SCFD1: variants seen among roughly 807,000 people sequenced by gnomAD.
The protein encoded by SCFD1 is sec1 family domain containing 1, also known as sec1 family domain-containing protein 1.
A neutral mutation model predicts 103.2 loss-of-function variants in SCFD1; 37 were observed. The ratio of observed to expected loss-of-function variants is 0.36; its 90% CI spans 0.28 to 0.47. SCFD1 has a LOEUF of 0.47. Among genes scored for constraint, SCFD1 ranks in the 20% least tolerant of loss-of-function variants. The pLI, the probability that SCFD1 is intolerant of heterozygous loss-of-function variation, is 1.00. For missense variants in SCFD1, 639 were observed against 761.2 expected, an observed-to-expected ratio of 0.84 and a Z score of 1.89; for synonymous variants, 264 against 245.0, an observed-to-expected ratio of 1.08 and a Z score of -0.73.
At chr14:30,674,024 A>G in intron 13 of SCFD1, 27 bp downstream of exon 13, 7 of 1,554,192 alleles carry the variant, frequency 4.5e-6, no homozygotes, top group Non-Finnish European at 6.2e-6. Context: ...TCCTCTTTGA[A>G]GTCTTTCTGT....
At chr14:30,682,777 T>C (rs1889590253) in intron 14 of SCFD1, among the ~76,000 whole-genome samples, 1 of 152,138 alleles carries the variant, frequency 6.6e-6, no homozygotes, top group South Asian at 2.1e-4. Flanking sequence ...ATGGCTAGAA[T>C]ATAAACAGTC....
intron 14 of SCFD1, among the ~76,000 whole-genome samples, chr14:30,682,465 A>G (rs1889563994): frequency 1.3e-5 from 2 of 152,218 alleles, no homozygotes; most frequent in South Asian, 4.1e-4. Flanking sequence ...ATCCATGCAT[A>G]TAGTGGCAAA....
At chr14:30,659,397 C>T (rs1336541141) in intron 10 of SCFD1, among the ~76,000 whole-genome samples, 1 of 152,070 alleles carries the variant, frequency 6.6e-6, no homozygotes, top group African/African-American at 2.4e-5. Flanking sequence ...CATCTCAATT[C>T]AGACTAACCA....
At chr14:30,643,202 A>C (rs1034024118) in intron 6 of SCFD1, 114 bp from the exon 7 acceptor site, 2 of 787,326 alleles carry the variant, frequency 2.5e-6, no homozygotes, top group African/African-American at 3.6e-5. Flanking sequence ...AAAAAATTTC[A>C]CTTGCTGAGT....
chr14:30,638,148 A>G lies in SCFD1; in HGVS notation c.336A>G (p.Glu112=), dbSNP rs761159826. ...AGGATCTTCGAAATCAACTATATGA[A>G]TCATATTATTTAAATTTTATTTCTG... The part of the protein sequence containing the change: ...MCQDLRNQLY[E]SYYLNFISAI... Residue 112 remains glutamate (E), a synonymous_variant, in exon 5 of 25, where the codon GAA becomes GAG. Coordinates refer to ENST00000458591, the MANE Select transcript of SCFD1 (RefSeq NM_016106.4). 2.9e-5 allele frequency: 46 copies of G among 1,610,448 alleles called. 1 individual carries two copies. In the South Asian group the frequency reaches 5.0e-4, roughly 17 times the overall value.
intron 17 of SCFD1, among the ~76,000 whole-genome samples, chr14:30,704,873 A>G (rs549665417): frequency 2.0e-5 from 3 of 152,214 alleles, no homozygotes; most frequent in Non-Finnish European, 4.4e-5. Flanking sequence ...TTTAAATCAT[A>G]TATGTTAAAT....
Position 30,639,759 on chromosome 14 carries a change from C to T in SCFD1, c.436-18C>T, listed in dbSNP as rs758502324. ...TATATTGTAAGATTGATTTGTAAAC[C>T]TTTTCTTTTGTTTCTAGGTTTTTGA... On this transcript the variant is annotated intron_variant, in intron 5 of 24. Coordinates refer to ENST00000458591, the MANE Select transcript of SCFD1 (RefSeq NM_016106.4). 9.7e-6 allele frequency: 15 copies of T among 1,552,236 alleles called. No individual in the cohort carries two copies. Among genetic ancestry groups the T allele is most frequent in the Non-Finnish European group, 1.3e-5 (15 of 1,151,156 alleles).
At chr14:30,703,379 T>G (rs1891207717) in intron 17 of SCFD1, among the ~76,000 whole-genome samples, 1 of 150,240 alleles carries the variant, frequency 6.7e-6, no homozygotes, top group African/African-American at 2.5e-5. Flanking sequence ...GTTTATCCAT[T>G]TTTTCATCCA....
At chr14:30,701,206 A>G (rs563385184) in intron 16 of SCFD1, among the ~76,000 whole-genome samples, 46 of 152,320 alleles carry the variant, frequency 3.0e-4, no homozygotes, top group Non-Finnish European at 6.0e-4. Flanking sequence ...TAAGACAGCA[A>G]AACTAAACCT....
intron 10 of SCFD1, among the ~76,000 whole-genome samples, chr14:30,669,022 AC>A (rs1437880230): frequency 6.6e-6 from 1 of 152,144 alleles, no homozygotes; most frequent in Non-Finnish European, 1.5e-5. Context: ...AACTAGAAAT[AC>A]CATTTGACCC....
At chr14:30,635,534 AT>A (rs770749647) in intron 4 of SCFD1, among the ~76,000 whole-genome samples, 1 of 152,020 alleles carries the variant, frequency 6.6e-6, no homozygotes, top group African/African-American at 2.4e-5. Flanking sequence ...TATATGGCTG[AT>A]TTCTCTTAGC....
At chr14:30,677,799 AC>A (rs1278101575) in intron 14 of SCFD1, among the ~76,000 whole-genome samples, 10 of 61,664 alleles carry the variant, frequency 1.6e-4, no homozygotes, top group Non-Finnish European at 3.2e-4. Context: ...AGCTTTACTT[AC>A]TTGTGAACAT....
At chr14:30,649,408 C>T (rs960116991) in intron 7 of SCFD1, 120 bp from the exon 8 acceptor site, 6 of 666,352 alleles carry the variant, frequency 9.0e-6, no homozygotes, top group African/African-American at 3.9e-5. Flanking sequence ...TACATAAAAT[C>T]GTGTGTAACG....
chr14:30,726,593 C>T (rs1435483384), intron 23 of SCFD1, among the ~76,000 whole-genome samples: 2 of 152,164 alleles, frequency 1.3e-5, no homozygotes, highest in Admixed American at 1.3e-4. Flanking sequence ...CCCATAAATT[C>T]ATTCTTTTTG....
chr14:30,725,325 G>A (rs572480405), intron 23 of SCFD1, among the ~76,000 whole-genome samples: 4 of 152,260 alleles, frequency 2.6e-5, no homozygotes, highest in African/African-American at 9.6e-5. Flanking sequence ...AGCATGGAAT[G>A]TTTTTCCATT....
At chr14:30,683,052 T>C in intron 14 of SCFD1, 1 of 1,361,124 alleles carries the variant, frequency 7.3e-7, no homozygotes, top group Non-Finnish European at 1.0e-6. Context: ...GGGTCAGGGC[T>C]CCTGACTGGT....
chr14:30,628,188 G>T lies in SCFD1; in HGVS notation c.62-21G>T, dbSNP rs45492697. 5.8e-3 allele frequency: 9,089 copies of T among 1,573,580 alleles called. 30 individuals carry two copies. The highest frequency in any genetic ancestry group is 7.1e-3 in the Non-Finnish European group (8,181 of 1,150,292). On this transcript the variant is annotated intron_variant, in intron 1 of 24. Transcript: ENST00000458591. ...ATCCTAAAAAACAATGACAATATTT[G>T]ATAAAACTTTTTATTTTCAGTGGCT...
Position 30,649,430 on chromosome 14 carries a change from G to GT in SCFD1, c.614-97dup, listed in dbSNP as rs150671644. 3.3e-3 allele frequency: 2,432 copies of GT among 739,280 alleles called. 47 individuals are homozygous for GT. In the African/African-American group the frequency reaches 0.039, roughly 12 times the overall value. The allele number at this position is 739,280 out of a possible 1,614,324, so 45.8% of individuals were successfully genotyped here. A position where few individuals can be genotyped will look rare whatever the true frequency, so the allele number is the denominator to read the frequency against. On this transcript the variant is annotated intron_variant, in intron 7 of 24. Transcript: ENST00000458591. ...AATCGTGTGTAACGTGAAATTGTAT[G>GT]TATCTATCACATCTGTTATTTTTGA...
At chr14:30,715,184 G>A (rs1427164690) in intron 19 of SCFD1, 8 of 152,106 alleles carry the variant, frequency 5.3e-5, no homozygotes, top group South Asian at 2.1e-4. Flanking sequence ...AGAAATGAAC[G>A]AACTCTTACA....
Sources: gnomAD v4.1 joint callset for allele counts (sites outside exome capture counted in the v4.1 genomes callset) on GRCh38, gnomAD v4.1.1 for gene constraint, MANE v1.5 for transcripts, NCBI Gene and HGNC (gene_info 2026-07-23, HGNC 2026-07-21) for gene names.